MTSS1: variants seen among roughly 807,000 people sequenced by gnomAD.
MTSS1 encodes the protein protein MTSS 1.
A neutral mutation model predicts 79.0 loss-of-function variants in MTSS1; 18 were observed. The observed-to-expected ratio is 0.23, with a 90% CI of 0.16 to 0.34. The LOEUF (loss-of-function observed/expected upper bound fraction) is 0.34, where lower values mean the gene tolerates loss of function less well. MTSS1 is among the 10% of genes least tolerant of loss of function. The pLI is 1.00. For missense variants in MTSS1, 815 were observed against 986.2 expected (o/e 0.83, Z 2.33); for synonymous variants, 341 against 368.6 (o/e 0.93, Z 0.86).
chr8:124,604,364 C>T (rs1002210321), intron 3 of MTSS1, among the ~76,000 whole-genome samples: 17 of 152,260 alleles, frequency 1.1e-4, no homozygotes, highest in African/African-American at 4.1e-4. Context: ...GTTCTTACAA[C>T]AAACACACAA....
chr8:124,647,325 C>CT (rs2134103787), intron 3 of MTSS1, among the ~76,000 whole-genome samples: 1 of 152,178 alleles, frequency 6.6e-6, no homozygotes, highest in South Asian at 2.1e-4. Context: ...ATCAAAGTTT[C>CT]TTTTTTCCCC....
chr8:124,576,732 C>G (rs1829029614), intron 6 of MTSS1, among the ~76,000 whole-genome samples: 1 of 152,228 alleles, frequency 6.6e-6, no homozygotes, highest in African/African-American at 2.4e-5. Flanking sequence ...TGGGTTGCAA[C>G]TCAAGAGAGG....
Position 124,712,737 on chromosome 8 carries a change from C to T in MTSS1, c.73-8546G>A, listed in dbSNP as rs193296974. Among the ~76,000 whole-genome samples, 43 of 152,194 alleles carry T rather than the reference C, an allele frequency of 2.8e-4. No homozygotes were observed. The East Asian group carries it at 8.1e-3, about 29-fold the overall frequency. On this transcript the variant is annotated intron_variant, in intron 1 of 13. Transcript: ENST00000518547. ...GATAATCAATGGTTGCTTCCTCGCC[C>T]GCCCACCCTCACCCACTTGCCCAAG...
At chr8:124,680,587 C>T (rs969168708) in intron 3 of MTSS1, among the ~76,000 whole-genome samples, 2 of 152,234 alleles carry the variant, frequency 1.3e-5, no homozygotes, top group Non-Finnish European at 2.9e-5. Flanking sequence ...AACATTTCTA[C>T]AGCACTAATA....
At chr8:124,648,695 C>T (rs1304900041) in intron 3 of MTSS1, among the ~76,000 whole-genome samples, 1 of 149,552 alleles carries the variant, frequency 6.7e-6, no homozygotes, top group Non-Finnish European at 1.5e-5. Flanking sequence ...GAAGAGTCTT[C>T]ATCCCAAATA....
At chr8:124,583,402 T>C (rs1199101008) in intron 6 of MTSS1, among the ~76,000 whole-genome samples, 2 of 152,206 alleles carry the variant, frequency 1.3e-5, no homozygotes, top group East Asian at 3.8e-4. Context: ...GAGCCAGTGC[T>C]AGGAAGGTCT....
At chr8:124,693,823 T>C (rs1413520898) in intron 3 of MTSS1, among the ~76,000 whole-genome samples, 2 of 152,176 alleles carry the variant, frequency 1.3e-5, no homozygotes, top group Non-Finnish European at 2.9e-5. Context: ...CTAAAGATAA[T>C]ATAGAAAAGG....
At chr8:124,570,781 C>T (rs1057513964) in intron 6 of MTSS1, among the ~76,000 whole-genome samples, 1 of 152,206 alleles carries the variant, frequency 6.6e-6, no homozygotes, top group Non-Finnish European at 1.5e-5. Context: ...TAGCTCATTG[C>T]AGCCTCAGCC....
intron 1 of MTSS1, among the ~76,000 whole-genome samples, chr8:124,712,007 GAAA>G (rs113611055): frequency 9.7e-6 from 1 of 102,722 alleles, no homozygotes; most frequent in African/African-American, 3.5e-5. Flanking sequence ...GACTGTCTCA[GAAA>G]AAAAAAAAAA....
intron 3 of MTSS1, among the ~76,000 whole-genome samples, chr8:124,637,995 G>C (rs1297656921): frequency 2.6e-5 from 4 of 152,216 alleles, no homozygotes; most frequent in Non-Finnish European, 5.9e-5. Flanking sequence ...AGGGGGAGTA[G>C]ATTAATTCCA....
intron 1 of MTSS1, among the ~76,000 whole-genome samples, chr8:124,717,674 G>T (rs1832290968): frequency 6.6e-6 from 1 of 152,112 alleles, no homozygotes; most frequent in Non-Finnish European, 1.5e-5. Context: ...CCGGTCTGGG[G>T]GACAGAGCAA....
At chr8:124,696,074 A>C (rs916801573) in intron 3 of MTSS1, among the ~76,000 whole-genome samples, 22 of 151,566 alleles carry the variant, frequency 1.5e-4, no homozygotes, top group Non-Finnish European at 2.7e-4. Flanking sequence ...TGCAACCTCC[A>C]CCTCCCGAGT....
intron 3 of MTSS1, among the ~76,000 whole-genome samples, chr8:124,674,399 C>T (rs1480977182): frequency 1.3e-5 from 2 of 152,184 alleles, no homozygotes; most frequent in Non-Finnish European, 2.9e-5. Context: ...CCCCACGCAT[C>T]GCCAGGAGCT....
intron 1 of MTSS1, among the ~76,000 whole-genome samples, chr8:124,726,737 AG>A (rs1313159324): frequency 6.6e-6 from 1 of 152,120 alleles, no homozygotes; most frequent in African/African-American, 2.4e-5. Flanking sequence ...GCGGCTGAAG[AG>A]GGGCTGTCCA....
In MTSS1 at chr8:124,553,568, G is replaced by A; in HGVS notation, c.1692C>T (p.Ala564=). ...ISQSYRRMFQ[A]KRPASTAGLP... is the part of the protein sequence containing the mutation. ...GGCCAGCAGTTGAGGCTGGACGCTTGGCTTGGAACATCCGTCGGTAGGACT... is the reference window on the plus strand; with the variant it reads ...GGCCAGCAGTTGAGGCTGGACGCTTAGCTTGGAACATCCGTCGGTAGGACT... Residue 564 remains alanine, a synonymous_variant, in exon 14 of 14, where the codon GCC becomes GCT. Coordinates refer to ENST00000518547, the MANE Select transcript of MTSS1 (RefSeq NM_014751.6). The surrounding 1 kb of genome is among the most constrained non-coding windows in gnomAD (Gnocchi z 6.0). 6.2e-7 allele frequency: 1 copy of A among 1,614,154 alleles called. No individual in the cohort carries two copies. The highest frequency in any genetic ancestry group is 1.7e-5 in the Admixed American group (1 of 60,018).
chr8:124,596,729 G>T (rs1465028939), intron 3 of MTSS1, among the ~76,000 whole-genome samples: 1 of 152,140 alleles, frequency 6.6e-6, no homozygotes, highest in African/African-American at 2.4e-5. Flanking sequence ...AAAACCTACA[G>T]GGAGAGTCCT....
chr8:124,642,515 A>G (rs1818244182), intron 3 of MTSS1, among the ~76,000 whole-genome samples: 1 of 152,244 alleles, frequency 6.6e-6, no homozygotes. Context: ...AGCTAGTAAC[A>G]TATTTATATT....
intron 3 of MTSS1, among the ~76,000 whole-genome samples, chr8:124,661,168 C>T (rs1821957328): frequency 6.6e-6 from 1 of 152,208 alleles, no homozygotes; most frequent in African/African-American, 2.4e-5. Flanking sequence ...AACAACAGCT[C>T]ACCAACACAT....
chr8:124,668,660 A>G lies in MTSS1; in HGVS notation c.208+30866T>C, dbSNP rs1216248606. 2.0e-5 allele frequency among the ~76,000 whole-genome samples: 3 copies of G among 152,158 alleles called. No homozygotes were observed. In the East Asian group the frequency reaches 5.8e-4, roughly 29 times the overall value. On this transcript the variant is annotated intron_variant, in intron 3 of 13. Transcript: ENST00000518547. ...TTCATACCTCTGAACGGGACCAGAA[A>G]AGAAAGATGAAACGGCATCAGCAGT...
Sources: gnomAD v4.1 joint callset for allele counts (sites outside exome capture counted in the v4.1 genomes callset) on GRCh38, gnomAD v4.1.1 for gene constraint, Gnocchi (gnomAD v3.1) non-coding constraint, MANE v1.5 for transcripts, NCBI Gene and HGNC (gene_info 2026-07-23, HGNC 2026-07-21) for gene names.